USP8: variants seen among roughly 807,000 people sequenced by gnomAD.
USP8 encodes ubiquitin carboxyl-terminal hydrolase 8.
A neutral mutation model predicts 130.0 loss-of-function variants in USP8; 27 were observed. The ratio of observed to expected loss-of-function variants is 0.21; its 90% CI spans 0.15 to 0.29. USP8 has a LOEUF of 0.29. Ranked by LOEUF, USP8 falls within the 10% of genes least tolerant of loss-of-function variation. The pLI, the probability that USP8 is intolerant of heterozygous loss-of-function variation, is 1.00. For missense variants in USP8, 1,029 were observed against 1,312.2 expected, an observed-to-expected ratio of 0.78 and a Z score of 3.33; for synonymous variants, 392 against 444.1, an observed-to-expected ratio of 0.88 and a Z score of 1.48.
At chr15:50,482,948 C>G (rs981009503) in intron 11 of USP8, among the ~76,000 whole-genome samples, 1 of 152,176 alleles carries the variant, frequency 6.6e-6, no homozygotes, top group Non-Finnish European at 1.5e-5. Context: ...ATCTGGTAAC[C>G]TCTGCTATTA....
At chr15:50,427,347 C>A (rs183460752) in intron 1 of USP8, among the ~76,000 whole-genome samples, 4 of 152,198 alleles carry the variant, frequency 2.6e-5, no homozygotes, top group Admixed American at 2.6e-4. Flanking sequence ...CCTATAGAAG[C>A]AGACAAATAG....
chr15:50,454,713 C>A (rs1007787335), intron 4 of USP8, among the ~76,000 whole-genome samples: 2 of 152,118 alleles, frequency 1.3e-5, no homozygotes, highest in Non-Finnish European at 2.9e-5. Context: ...CCTCGGCCTC[C>A]CAGAGTGCTG....
chr15:50,492,181 A>C (rs2052200480), intron 14 of USP8, among the ~76,000 whole-genome samples: 1 of 152,122 alleles, frequency 6.6e-6, no homozygotes, highest in South Asian at 2.1e-4. Flanking sequence ...TTTTACTGTG[A>C]TTGTGTATCC....
chr15:50,439,526 C>G (rs982766157), intron 2 of USP8, among the ~76,000 whole-genome samples: 1 of 152,056 alleles, frequency 6.6e-6, no homozygotes, highest in Non-Finnish European at 1.5e-5. Context: ...CGGTGGCTCA[C>G]GCTTGTAATC....
chr15:50,483,860 A>G (rs1045958934), intron 11 of USP8, among the ~76,000 whole-genome samples: 2 of 151,914 alleles, frequency 1.3e-5, no homozygotes, highest in African/African-American at 2.4e-5. Flanking sequence ...ATTTTTTACT[A>G]TTGGTCTGTA....
chr15:50,446,228 T>C (rs982069287), intron 3 of USP8, among the ~76,000 whole-genome samples: 1 of 152,182 alleles, frequency 6.6e-6, no homozygotes, highest in Non-Finnish European at 1.5e-5. Flanking sequence ...TTTTCTTCTG[T>C]CAATTATCAT....
Position 50,501,901 on chromosome 15 carries a change from A to G in USP8, c.*2813A>G, listed in dbSNP as rs564659678. ...TATGTGAAAATTTTATGAAATTCAA[A>G]TGTCAATGTCCTTAAAGTTTTATGG... is the stretch of plus-strand genomic sequence containing the variant. On this transcript the variant is annotated 3_prime_UTR_variant, in exon 20 of 20. Transcript: ENST00000307179. 6.6e-6 allele frequency: 1 copy of G among 152,306 alleles called. No homozygotes were observed. The highest frequency in any genetic ancestry group is 1.9e-4 in the East Asian group (1 of 5,190). The allele number at this position is 152,306 out of a possible 1,614,324, so 9.4% of individuals were successfully genotyped here.
chr15:50,489,516 T>A, intron 12 of USP8: 1 of 163,204 alleles, frequency 6.1e-6, no homozygotes, highest in Non-Finnish European at 1.3e-5. Flanking sequence ...ACTGTCTTCC[T>A]CCCCGTGAAC....
At chr15:50,458,165 A>G (rs1294143794) in intron 4 of USP8, among the ~76,000 whole-genome samples, 2 of 151,940 alleles carry the variant, frequency 1.3e-5, no homozygotes, top group Non-Finnish European at 2.9e-5. Context: ...TTATTTATTT[A>G]TTTAGAGATG....
intron 1 of USP8, among the ~76,000 whole-genome samples, chr15:50,437,793 G>A (rs963147685): frequency 6.6e-6 from 1 of 152,290 alleles, no homozygotes; most frequent in East Asian, 1.9e-4. Context: ...GATCCATTTG[G>A]GAGTGATAGT....
rs2052630212 is a variant in USP8 at position 50,504,455 on chromosome 15, T to C, written c.*5367T>C. The C allele has an allele frequency of 6.6e-6, 1 of 152,224 alleles. No individual in the cohort carries two copies. Among genetic ancestry groups the C allele is most frequent in the Admixed American group, 6.6e-5 (1 of 15,248 alleles). 9.4% of individuals were successfully genotyped at this position (152,224 alleles called of 1,614,324 possible). A position where few individuals can be genotyped will look rare whatever the true frequency, so the allele number is the denominator to read the frequency against. ...GGGAGAATCACCTGAGCCCAGGAGG[T>C]CGAGGCTACAGTGAGCTGTGACTGA... is the stretch of plus-strand genomic sequence containing the variant. On this transcript the variant is annotated 3_prime_UTR_variant, in exon 20 of 20. Coordinates refer to ENST00000307179, the MANE Select transcript of USP8 (RefSeq NM_005154.5).
chr15:50,479,567 C>G (rs2051690318), intron 10 of USP8, among the ~76,000 whole-genome samples: 1 of 151,942 alleles, frequency 6.6e-6, no homozygotes, highest in Non-Finnish European at 1.5e-5. Flanking sequence ...ATCAAGCCAC[C>G]AAAATGTAAA....
In USP8 at chr15:50,441,338, C is replaced by G; in HGVS notation, c.105-11C>G. 2 of 1,568,612 alleles carry G rather than the reference C, an allele frequency of 1.3e-6. No homozygotes were observed. Among genetic ancestry groups the G allele is most frequent in the Non-Finnish European group, 8.6e-7 (1 of 1,167,958 alleles). On this transcript the variant is annotated splice_polypyrimidine_tract_variant and intron_variant, in intron 2 of 19. Transcript: ENST00000307179. ...AATTGCTTTAATTATTATTTTTTCT[C>G]TAATTTTAAGTTATGTGCACAGTGC...
At chr15:50,440,512 T>C (rs1242257973) in intron 2 of USP8, among the ~76,000 whole-genome samples, 1 of 152,212 alleles carries the variant, frequency 6.6e-6, no homozygotes, top group Non-Finnish European at 1.5e-5. Flanking sequence ...AGTTTTGGGA[T>C]GAGTCAAGTG....
Position 50,458,986 on chromosome 15 carries a change from A to G in USP8, c.336-14A>G, listed in dbSNP as rs1473482067. The G allele has an allele frequency of 1.2e-6, 2 of 1,611,640 alleles. No individual in the cohort carries two copies. The highest frequency in any genetic ancestry group is 1.7e-5 in the Admixed American group (1 of 59,832). ...CGCCAATAAAAGACAATCTTGACTT[A>G]TTTTTTCAACTAGATATGAAGAAGC... On this transcript the variant is annotated splice_polypyrimidine_tract_variant and intron_variant, in intron 4 of 19. Transcript: ENST00000307179.
chr15:50,452,032 G>A (rs891324299), intron 4 of USP8, among the ~76,000 whole-genome samples: 33 of 152,210 alleles, frequency 2.2e-4, no homozygotes, highest in African/African-American at 8.0e-4. Context: ...CCTAGGGGTG[G>A]CCGCATGGTC....
chr15:50,496,176 C>CAA, intron 17 of USP8, 92 bp downstream of exon 17: 2 of 1,097,396 alleles, frequency 1.8e-6, no homozygotes, highest in Non-Finnish European at 2.6e-6. Flanking sequence ...TTTACCCTTA[C>CAA]AAACATTTTA....
At chr15:50,429,473 TATTC>T (rs1158175674) in intron 1 of USP8, among the ~76,000 whole-genome samples, 1 of 152,178 alleles carries the variant, frequency 6.6e-6, no homozygotes, top group Non-Finnish European at 1.5e-5. Context: ...AGCATGTTTA[TATTC>T]ATTCTTATAT....
At chr15:50,425,574 T>C (rs1207526462) in intron 1 of USP8, among the ~76,000 whole-genome samples, 1 of 152,212 alleles carries the variant, frequency 6.6e-6, no homozygotes, top group African/African-American at 2.4e-5. Flanking sequence ...CTTTATCATG[T>C]TGATATGGCT....
Sources: gnomAD v4.1 joint callset for allele counts (sites outside exome capture counted in the v4.1 genomes callset) on GRCh38, gnomAD v4.1.1 for gene constraint, MANE v1.5 for transcripts, NCBI Gene and HGNC (gene_info 2026-07-23, HGNC 2026-07-21) for gene names.